C6: variants seen among roughly 807,000 people sequenced by gnomAD.
C6 encodes the protein complement component C6.
C6 carries 101 observed loss-of-function variants against 112.9 expected under a neutral mutation model. That is an observed-to-expected ratio of 0.89 (90% CI 0.76 to 1.06). The LOEUF (loss-of-function observed/expected upper bound fraction) is 1.06, where lower values mean the gene tolerates loss of function less well. Ranked by LOEUF, C6 falls within the 50% of genes least tolerant of loss-of-function variation. C6 has a pLI of 0.00. For synonymous variants in C6, 431 were observed against 384.1 expected, an observed-to-expected ratio of 1.12 and a Z score of -1.43; for missense variants, 1,202 against 1,104.6, an observed-to-expected ratio of 1.09 and a Z score of -1.25.
At chr5:41,174,749 G>T (rs921031912) in intron 8 of C6, among the ~76,000 whole-genome samples, 1 of 151,968 alleles carries the variant, frequency 6.6e-6, no homozygotes, top group African/African-American at 2.4e-5. Flanking sequence ...TAACAACAGG[G>T]GATATAATTC....
intron 1 of C6, 43 bp downstream of exon 1, chr5:41,213,333 T>A (rs900213789): frequency 1.2e-6 from 1 of 865,638 alleles, no homozygotes; most frequent in Non-Finnish European, 1.4e-6. Context: ...GATTAACAAT[T>A]TTGAAATATT....
At chr5:41,208,548 G>A (rs561467900) in intron 1 of C6, among the ~76,000 whole-genome samples, 18 of 152,178 alleles carry the variant, frequency 1.2e-4, no homozygotes, top group Non-Finnish European at 2.2e-4. Flanking sequence ...TATCACCACC[G>A]ATCCCACAGA....
At chr5:41,186,273 T>A in intron 5 of C6, 65 bp from the exon 6 acceptor site, 1 of 1,560,364 alleles carries the variant, frequency 6.4e-7, no homozygotes, top group Non-Finnish European at 8.8e-7. Flanking sequence ...TTACCTTAGT[T>A]ATATGAAAGG....
chr5:41,167,835 G>A (rs1433209684), intron 9 of C6, among the ~76,000 whole-genome samples: 2 of 152,112 alleles, frequency 1.3e-5, no homozygotes, highest in Non-Finnish European at 2.9e-5. Context: ...GATGCCTTAG[G>A]AAAAGTTTAT....
chr5:41,200,145 A>G (rs1379976973), intron 3 of C6, among the ~76,000 whole-genome samples: 1 of 152,188 alleles, frequency 6.6e-6, no homozygotes, highest in Non-Finnish European at 1.5e-5. Flanking sequence ...AAGGTTTCTA[A>G]GGCTTCTTAT....
intron 1 of C6, among the ~76,000 whole-genome samples, chr5:41,208,876 C>T (rs1751658677): frequency 1.3e-5 from 2 of 152,000 alleles, no homozygotes; most frequent in Non-Finnish European, 2.9e-5. Context: ...TTTTATGAGG[C>T]CAGCATCATC....
intron 9 of C6, among the ~76,000 whole-genome samples, chr5:41,163,504 G>C (rs1358489547): frequency 6.6e-6 from 1 of 151,792 alleles, no homozygotes; most frequent in African/African-American, 2.4e-5. Context: ...GTAGAGACAG[G>C]GTTTCACCAC....
At chr5:41,149,839 A>G (rs528085450) in intron 16 of C6, 96 bp downstream of exon 16, 2 of 837,694 alleles carry the variant, frequency 2.4e-6, no homozygotes, top group African/African-American at 1.7e-5. Context: ...CATTTATTTC[A>G]TGTCTGTGCT....
chr5:41,178,032 T>C (rs1265670222), intron 7 of C6, among the ~76,000 whole-genome samples: 1 of 152,140 alleles, frequency 6.6e-6, no homozygotes, highest in Admixed American at 6.5e-5. Context: ...AAGGTCTCAG[T>C]CGTGGAAAAT....
chr5:41,250,153 A>C (rs755026921), intron 1 of C6, among the ~76,000 whole-genome samples: 1 of 152,152 alleles, frequency 6.6e-6, no homozygotes, highest in African/African-American at 2.4e-5. Flanking sequence ...TTGCAGCGTC[A>C]CACCCTATTT....
chr5:41,226,357 C>T (rs1259846387), intron 1 of C6, among the ~76,000 whole-genome samples: 1 of 152,254 alleles, frequency 6.6e-6, no homozygotes, highest in South Asian at 2.1e-4. Flanking sequence ...GAAAAATGCT[C>T]ATCATCACTG....
chr5:41,253,745 A>G (rs2150440810), intron 1 of C6, among the ~76,000 whole-genome samples: 1 of 152,334 alleles, frequency 6.6e-6, no homozygotes, highest in African/African-American at 2.4e-5. Context: ...GCTATTGTTT[A>G]TATCAACATC....
intron 1 of C6, chr5:41,212,892 G>A (rs1395031663): frequency 6.6e-6 from 1 of 152,164 alleles, no homozygotes; most frequent in Non-Finnish European, 1.5e-5. Flanking sequence ...TTGTCTGCAA[G>A]GCAGTTCAGC....
chr5:41,169,702 G>T (rs1399376273), intron 9 of C6, among the ~76,000 whole-genome samples: 3 of 152,048 alleles, frequency 2.0e-5, no homozygotes, highest in Non-Finnish European at 1.5e-5. Context: ...GGAGGGTGAA[G>T]GGGAAAGTGC....
intron 1 of C6, among the ~76,000 whole-genome samples, chr5:41,237,298 C>T: frequency 1.9e-5 from 1 of 54,010 alleles, no homozygotes; most frequent in Non-Finnish European, 3.6e-5. Flanking sequence ...AGACCAATAT[C>T]CTTGATGAAC....
chr5:41,193,875 A>G (rs1427737655), intron 5 of C6, among the ~76,000 whole-genome samples: 1 of 149,710 alleles, frequency 6.7e-6, no homozygotes, highest in Non-Finnish European at 1.5e-5. Context: ...CCAGCAGATT[A>G]GAACAAGATT....
Position 41,142,376 on chromosome 5 carries a change from C to A in C6, c.*449G>T, listed in dbSNP as rs1157110727. 2.0e-5 allele frequency: 4 copies of A among 203,510 alleles called. No individual in the cohort carries two copies. The Admixed American group carries it at 2.1e-4, about 11-fold the overall frequency. The allele number at this position is 203,510 out of a possible 1,614,324, so 12.6% of individuals were successfully genotyped here. A position where few individuals can be genotyped will look rare whatever the true frequency, so the allele number is the denominator to read the frequency against. ...GTCAGTACTTGACATCCTGTATACACACTCAGAAATTATTTGTTGAATGAA... is the reference window on the plus strand; with the variant it reads ...GTCAGTACTTGACATCCTGTATACAAACTCAGAAATTATTTGTTGAATGAA... On this transcript the variant is annotated 3_prime_UTR_variant, in exon 18 of 18. Transcript: ENST00000337836.
intron 1 of C6, among the ~76,000 whole-genome samples, chr5:41,260,236 G>A (rs1741961301): frequency 6.6e-6 from 1 of 151,940 alleles, no homozygotes; most frequent in South Asian, 2.1e-4. Flanking sequence ...CTAGGCAAAT[G>A]AAGTGGTAAC....
chr5:41,239,698 T>C (rs893434427), intron 1 of C6, among the ~76,000 whole-genome samples: 1 of 152,064 alleles, frequency 6.6e-6, no homozygotes, highest in Admixed American at 6.6e-5. Flanking sequence ...ATCCCACATA[T>C]CAGTAAGTTT....
Sources: gnomAD v4.1 joint callset for allele counts (sites outside exome capture counted in the v4.1 genomes callset) on GRCh38, gnomAD v4.1.1 for gene constraint, MANE v1.5 for transcripts, NCBI Gene and HGNC (gene_info 2026-07-23, HGNC 2026-07-21) for gene names.